The following CMIP variants were observed in gnomAD, a reference collection of about 807,000 sequenced individuals.
CMIP encodes c-Maf inducing protein.
Under a neutral mutation model 97.3 loss-of-function variants are expected in CMIP, and 13 were observed. The ratio of observed to expected loss-of-function variants is 0.13; its 90% CI spans 0.09 to 0.21. The LOEUF (loss-of-function observed/expected upper bound fraction) is 0.21. Among genes scored for constraint, CMIP ranks in the 10% least tolerant of loss-of-function variants. The probability of loss-of-function intolerance (pLI) is 1.00; values close to 1 mark genes in which losing one functional copy is unlikely to be tolerated. For missense variants in CMIP, 847 were observed against 1,024.9 expected (o/e 0.83, Z 2.37); for synonymous variants, 538 against 436.3 (o/e 1.23, Z -2.91).
intron 1 of CMIP, among the ~76,000 whole-genome samples, chr16:81,559,603 G>A (rs1396352468): frequency 6.6e-6 from 1 of 152,188 alleles, no homozygotes; most frequent in African/African-American, 2.4e-5. Context: ...CTGTAGAGAT[G>A]TCATAGTGCA....
At chr16:81,565,223 C>A (rs2090958047) in intron 1 of CMIP, among the ~76,000 whole-genome samples, 1 of 152,130 alleles carries the variant, frequency 6.6e-6, no homozygotes, top group Non-Finnish European at 1.5e-5. Flanking sequence ...AGATCTGGGC[C>A]CAGATGGATA....
intron 1 of CMIP, among the ~76,000 whole-genome samples, chr16:81,552,575 C>T (rs934255308): frequency 6.6e-6 from 1 of 152,172 alleles, no homozygotes; most frequent in African/African-American, 2.4e-5. Context: ...TGTACCATCT[C>T]CCAGCCTCTC....
chr16:81,630,994 C>T (rs564015396), intron 3 of CMIP: 1 of 152,502 alleles, frequency 6.6e-6, no homozygotes, highest in South Asian at 2.1e-4. Flanking sequence ...CCGCGAGGGC[C>T]ACAGTCTCCA....
At chr16:81,632,231 A>G (rs1429012469) in intron 3 of CMIP, among the ~76,000 whole-genome samples, 2 of 152,204 alleles carry the variant, frequency 1.3e-5, no homozygotes, top group African/African-American at 4.8e-5. Flanking sequence ...TAACAAAAAT[A>G]AAATGCACGT....
intron 1 of CMIP, among the ~76,000 whole-genome samples, chr16:81,514,767 C>T (rs987636050): frequency 2.0e-5 from 3 of 152,166 alleles, no homozygotes; most frequent in Admixed American, 6.5e-5. Flanking sequence ...ACAGTATTTC[C>T]TGCTTCCCAG....
intron 1 of CMIP, among the ~76,000 whole-genome samples, chr16:81,476,941 C>T (rs529025620): frequency 4.6e-5 from 7 of 152,190 alleles, no homozygotes; most frequent in Admixed American, 2.6e-4. Context: ...GAAAAGACCC[C>T]AGCCCCAGCG....
intron 3 of CMIP, among the ~76,000 whole-genome samples, chr16:81,635,648 A>G (rs985512480): frequency 2.6e-5 from 4 of 152,176 alleles, no homozygotes; most frequent in Non-Finnish European, 5.9e-5. Flanking sequence ...ACAAATATAT[A>G]TTTGTATTTG....
At chr16:81,467,622 C>G (rs1315557675) in intron 1 of CMIP, among the ~76,000 whole-genome samples, 1 of 150,852 alleles carries the variant, frequency 6.6e-6, no homozygotes, top group Non-Finnish European at 1.5e-5. Context: ...GTTCTGTCAC[C>G]CAGGCTGGAG....
chr16:81,695,166 C>T (rs1182121190), intron 13 of CMIP, among the ~76,000 whole-genome samples: 3 of 152,228 alleles, frequency 2.0e-5, no homozygotes, highest in African/African-American at 7.2e-5. Context: ...CTCCCCTGGC[C>T]AAGGTCCCAC....
At chr16:81,486,501 C>T (rs535456042) in intron 1 of CMIP, among the ~76,000 whole-genome samples, 3 of 152,170 alleles carry the variant, frequency 2.0e-5, no homozygotes, top group Non-Finnish European at 4.4e-5. Flanking sequence ...CGCTGGAGTT[C>T]ATTCAGGAGG....
chr16:81,532,530 G>A (rs1057168032), intron 1 of CMIP, among the ~76,000 whole-genome samples: 4 of 152,120 alleles, frequency 2.6e-5, no homozygotes, highest in African/African-American at 7.2e-5. Flanking sequence ...AGGGACTAGC[G>A]CTGTTGCCCT....
chr16:81,567,761 G>C (rs2091008781), intron 1 of CMIP, among the ~76,000 whole-genome samples: 1 of 152,186 alleles, frequency 6.6e-6, no homozygotes, highest in South Asian at 2.1e-4. Context: ...AAGGGCATTT[G>C]CCTTATTTCG....
intron 2 of CMIP, 92 bp from the exon 3 acceptor site, chr16:81,620,784 G>C: frequency 1.4e-6 from 2 of 1,457,768 alleles, no homozygotes; most frequent in Non-Finnish European, 1.9e-6. Flanking sequence ...TGTCTACAGA[G>C]CAGGCTTGGG....
chr16:81,693,406 C>T lies in CMIP; in HGVS notation c.1482-33C>T, dbSNP rs368925306. 5.9e-5 allele frequency: 95 copies of T among 1,602,576 alleles called. No homozygotes were observed. In the African/African-American group the frequency reaches 6.7e-4, roughly 11 times the overall value. On this transcript the variant is annotated intron_variant, in intron 12 of 20. Coordinates refer to ENST00000537098, the MANE Select transcript of CMIP (RefSeq NM_198390.3). ...ACACCTCCCACTCAGTTCCAGACCC[C>T]GGCAGTAACTCCGGCCGCCTCGTCT... is the stretch of plus-strand genomic sequence containing the variant.
intron 1 of CMIP, among the ~76,000 whole-genome samples, chr16:81,488,753 C>G (rs1333631961): frequency 6.6e-6 from 1 of 152,192 alleles, no homozygotes; most frequent in Non-Finnish European, 1.5e-5. Context: ...TCTTCGGGAA[C>G]TCTCCCCACA....
chr16:81,670,288 T>C (rs779442159), intron 8 of CMIP, 43 bp downstream of exon 8: 2 of 1,559,726 alleles, frequency 1.3e-6, no homozygotes, highest in East Asian at 2.4e-5. Context: ...TAGGAGCCAC[T>C]TTCCTCTCGG....
intron 3 of CMIP, among the ~76,000 whole-genome samples, chr16:81,638,980 C>T (rs1239081239): frequency 1.3e-5 from 2 of 152,176 alleles, no homozygotes; most frequent in African/African-American, 2.4e-5. Flanking sequence ...AAACAGCCCC[C>T]GCCGGGATTA....
chr16:81,468,701 A>G (rs1242188065), intron 1 of CMIP, among the ~76,000 whole-genome samples: 1 of 152,248 alleles, frequency 6.6e-6, no homozygotes, highest in African/African-American at 2.4e-5. Flanking sequence ...AGGGTGACTC[A>G]GGGTGGGCAC....
chr16:81,601,906 C>A (rs906187268), intron 1 of CMIP, among the ~76,000 whole-genome samples: 1 of 152,184 alleles, frequency 6.6e-6, no homozygotes, highest in African/African-American at 2.4e-5. Context: ...GGACAAAAGC[C>A]CCTTAGCCTT....
Sources: allele counts gnomAD v4.1 joint callset (sites outside exome capture counted in the v4.1 genomes callset), GRCh38; gene constraint gnomAD v4.1.1; transcripts MANE v1.5; gene names NCBI Gene and HGNC (gene_info 2026-07-23, HGNC 2026-07-21).